RORB: variants seen among roughly 807,000 people sequenced by gnomAD.
The protein encoded by RORB is nuclear receptor ROR-beta.
RORB carries 6 observed loss-of-function variants against 59.1 expected under a neutral mutation model. The ratio of observed to expected loss-of-function variants is 0.10; its 90% CI spans 0.06 to 0.20. The LOEUF is 0.20. Among genes scored for constraint, RORB ranks in the 10% least tolerant of loss-of-function variants. The probability of loss-of-function intolerance (pLI) is 1.00; values close to 1 mark genes in which losing one functional copy is unlikely to be tolerated. For missense variants in RORB, 320 were observed against 560.5 expected (o/e 0.57, Z 4.33); for synonymous variants, 215 against 204.5 (o/e 1.05, Z -0.44).
At chr9:74,648,505 T>G (rs1823937339) in intron 4 of RORB, among the ~76,000 whole-genome samples, 1 of 152,006 alleles carries the variant, frequency 6.6e-6, no homozygotes, top group African/African-American at 2.4e-5. Flanking sequence ...AAGAGTAGGG[T>G]AGAAGAGAGG....
chr9:74,685,710 C>T lies in RORB; in HGVS notation c.*92C>T. ...TGAAGACTTAAGAAAAATGTCACTA[C>T]TGCAACATTAGGAATGTCCTGCACT... On this transcript the variant is annotated 3_prime_UTR_variant, in exon 10 of 10. Transcript: ENST00000376896. 1.0e-6 allele frequency: 1 copy of T among 959,326 alleles called. No individual in the cohort carries two copies. Among genetic ancestry groups the T allele is most frequent in the Non-Finnish European group, 1.5e-6 (1 of 670,580 alleles). 59.4% of individuals were successfully genotyped at this position (959,326 alleles called of 1,614,324 possible).
intron 1 of RORB, among the ~76,000 whole-genome samples, chr9:74,537,811 C>T (rs1826343757): frequency 6.6e-6 from 1 of 152,000 alleles, no homozygotes; most frequent in Non-Finnish European, 1.5e-5. Flanking sequence ...ATACCTATCT[C>T]CTAGTTATGT....
intron 1 of RORB, among the ~76,000 whole-genome samples, chr9:74,607,508 A>G (rs1340418196): frequency 6.6e-6 from 1 of 152,166 alleles, no homozygotes; most frequent in Non-Finnish European, 1.5e-5. Flanking sequence ...ACATTTCAGA[A>G]GTTAGAAATA....
chr9:74,534,306 T>C (rs76329761), intron 1 of RORB, among the ~76,000 whole-genome samples: 34 of 152,098 alleles, frequency 2.2e-4, no homozygotes, highest in Admixed American at 6.6e-4. Flanking sequence ...AATGGCCTGA[T>C]ATTATTTCTT....
chr9:74,636,275 C>T (rs760827333), intron 3 of RORB, among the ~76,000 whole-genome samples: 19 of 152,100 alleles, frequency 1.2e-4, no homozygotes, highest in Non-Finnish European at 2.4e-4. Flanking sequence ...CACTTTAATT[C>T]GCAGTGTCCG....
chr9:74,620,163 G>A (rs1309343166), intron 1 of RORB, among the ~76,000 whole-genome samples: 2 of 152,088 alleles, frequency 1.3e-5, no homozygotes, highest in Admixed American at 6.6e-5. Flanking sequence ...CTGTGAATCC[G>A]TCTGGTCCTG....
chr9:74,507,962 C>A (rs551275818), intron 1 of RORB, among the ~76,000 whole-genome samples: 2 of 151,842 alleles, frequency 1.3e-5, no homozygotes, highest in South Asian at 4.1e-4. Context: ...CTTGGCAATA[C>A]TTTATTTTTT....
chr9:74,594,518 A>AGTATAC (rs1480708508), intron 1 of RORB, among the ~76,000 whole-genome samples: 1 of 152,268 alleles, frequency 6.6e-6, no homozygotes, highest in Non-Finnish European at 1.5e-5. Flanking sequence ...ATGTTGATGT[A>AGTATAC]GTATACTTAA....
At chr9:74,537,166 A>G (rs1826333320) in intron 1 of RORB, among the ~76,000 whole-genome samples, 1 of 151,994 alleles carries the variant, frequency 6.6e-6, no homozygotes, top group Admixed American at 6.6e-5. Flanking sequence ...AGTTTTCTAG[A>G]ATGTCATGGT....
Position 74,692,227 on chromosome 9 carries a change from T to C in RORB, c.*6609T>C, listed in dbSNP as rs777903309. Reference sequence around the variant, plus strand: ...GGAAAATCCAAGGTGTCATGAGCTATAGCAACACAGGCAGGAGCAAGTTGT... The same window carrying C: ...GGAAAATCCAAGGTGTCATGAGCTACAGCAACACAGGCAGGAGCAAGTTGT... On this transcript the variant is annotated 3_prime_UTR_variant, in exon 10 of 10. Coordinates refer to ENST00000376896, the MANE Select transcript of RORB (RefSeq NM_006914.4). 5.3e-5 allele frequency: 8 copies of C among 152,158 alleles called. No individual in the cohort carries two copies. Among genetic ancestry groups the C allele is most frequent in the Non-Finnish European group, 1.2e-4 (8 of 68,026 alleles). The allele number at this position is 152,158 out of a possible 1,614,324, so 9.4% of individuals were successfully genotyped here.
rs146275488 is a variant in RORB at position 74,642,622 on chromosome 9, C to T, written c.444C>T (p.Asp148=). Residue 148 remains aspartate, a synonymous_variant, in exon 4 of 10, where the codon GAC becomes GAT. Transcript: ENST00000376896. ...SGTYANGHVI[D]LPKSEGYYNV... is the part of the protein sequence containing the mutation. The stretch of plus-strand genomic sequence containing the variant: ...CTTATGCCAACGGGCACGTCATTGA[C>T]CTGCCCAAGTCTGAGGGTTATTACA... 3.1e-5 allele frequency: 50 copies of T among 1,614,176 alleles called. No homozygotes were observed. The African/African-American group carries it at 5.1e-4, about 16-fold the overall frequency.
intron 2 of RORB, among the ~76,000 whole-genome samples, chr9:74,632,409 C>T (rs1336558734): frequency 2.6e-5 from 4 of 152,272 alleles, no homozygotes; most frequent in African/African-American, 9.6e-5. Flanking sequence ...TAAAAATTCT[C>T]TTCAGAATTT....
In RORB at chr9:74,586,572, G is replaced by A. The variant is rs79077388; in HGVS notation, c.8-43710G>A. On this transcript the variant is annotated intron_variant, in intron 1 of 9. Transcript: ENST00000376896. ...TGGTTGTTTTGAAAACAATAAAATC[G>A]TATGCAAATGAGTACATATGTAATG... Among the ~76,000 whole-genome samples the A allele has an allele frequency of 6.4e-3, 965 of 150,602 alleles. 10 individuals are homozygous for A. Among genetic ancestry groups the A allele is most frequent in the African/African-American group, 0.022 (911 of 41,018 alleles).
At chr9:74,634,886 A>G in intron 3 of RORB, 114 bp downstream of exon 3, 1 of 958,790 alleles carries the variant, frequency 1.0e-6, no homozygotes, top group Non-Finnish European at 1.5e-6. Context: ...TAAGAAGAAA[A>G]GAAAATCACT....
intron 1 of RORB, among the ~76,000 whole-genome samples, chr9:74,624,188 T>C (rs985393967): frequency 6.6e-6 from 1 of 152,214 alleles, no homozygotes. Context: ...TATAGGGAAT[T>C]AAAATAATAT....
chr9:74,619,817 G>A (rs773315309), intron 1 of RORB, among the ~76,000 whole-genome samples: 8 of 152,096 alleles, frequency 5.3e-5, no homozygotes, highest in Admixed American at 2.0e-4. Flanking sequence ...TTTTGTCTTT[G>A]GTTCTGTTTA....
chr9:74,665,392 T>C, intron 6 of RORB, 96 bp from the exon 7 acceptor site: 1 of 615,208 alleles, frequency 1.6e-6, no homozygotes, highest in Non-Finnish European at 2.6e-6. Context: ...TTTAAAGTTC[T>C]TGAAAGTCTC....
intron 2 of RORB, among the ~76,000 whole-genome samples, chr9:74,633,337 A>T (rs1260934655): frequency 6.6e-6 from 1 of 152,168 alleles, no homozygotes; most frequent in African/African-American, 2.4e-5. Context: ...AGTTGAGGAA[A>T]CACAGAAGCT....
At chr9:74,541,527 C>T (rs1330513015) in intron 1 of RORB, among the ~76,000 whole-genome samples, 1 of 152,096 alleles carries the variant, frequency 6.6e-6, no homozygotes, top group African/African-American at 2.4e-5. Flanking sequence ...CCTTCACTTT[C>T]TTAAACTGAC....
Sources: allele counts gnomAD v4.1 joint callset (sites outside exome capture counted in the v4.1 genomes callset), GRCh38; gene constraint gnomAD v4.1.1; transcripts MANE v1.5; gene names NCBI Gene and HGNC (gene_info 2026-07-23, HGNC 2026-07-21).